The following GJC2 variants were observed in gnomAD, a reference collection of about 807,000 sequenced individuals.
GJC2 encodes the protein gap junction protein gamma 2.
For missense variants in GJC2, 647 were observed against 648.9 expected (o/e 1.00, Z 0.03); for synonymous variants, 336 against 307.5 (o/e 1.09, Z -0.97).
intron 1 of GJC2, among the ~76,000 whole-genome samples, chr1:228,153,841 A>G (rs1436340278): frequency 6.6e-6 from 1 of 151,990 alleles, no homozygotes; most frequent in Non-Finnish European, 1.5e-5. Context: ...TCAGCCTCAC[A>G]AAGTGCTGGG....
Position 228,157,939 on chromosome 1 carries a change from C to T in GJC2, c.181C>T (p.Pro61Ser). The change falls in exon 2 of 2, where the codon CCA (proline) becomes TCA (serine). Residue 61 changes from proline (P) to serine (S), a missense_variant. By Grantham distance (74) the Pro-to-Ser change is moderately conservative. Coordinates refer to ENST00000366714, the MANE Select transcript of GJC2 (RefSeq NM_020435.4). The part of the protein sequence containing the change: ...QAKFTCNTRQ[P>S]GCDNVCYDAF... Reference sequence around the variant, plus strand: ...CAAGTTCACTTGCAACACGCGGCAGCCAGGCTGCGACAACGTCTGCTATGA... The same window carrying T: ...CAAGTTCACTTGCAACACGCGGCAGTCAGGCTGCGACAACGTCTGCTATGA... 1.2e-6 allele frequency: 2 copies of T among 1,612,742 alleles called. No homozygotes were observed. Among genetic ancestry groups the T allele is most frequent in the Non-Finnish European group, 1.7e-6 (2 of 1,179,858 alleles).
In GJC2 at chr1:228,151,270, CAT is replaced by C. The variant is rs1390616163; in HGVS notation, c.-20+1265_-20+1266del. Among the ~76,000 whole-genome samples the C allele has an allele frequency of 2.0e-5, 3 of 152,146 alleles. No homozygotes were observed. Among genetic ancestry groups the C allele is most frequent in the African/African-American group, 7.2e-5 (3 of 41,442 alleles). ...GCAAGGCCTGGGGATCCCACAGACT[CAT>C]ACCTCCACACCACGCTCCTCAGTGT... On this transcript the variant is annotated intron_variant, in intron 1 of 1. Coordinates refer to ENST00000366714, the MANE Select transcript of GJC2 (RefSeq NM_020435.4). The surrounding 1 kb of genome is among the most constrained non-coding windows in gnomAD (Gnocchi z 5.4).
chr1:228,158,510 C>T lies in GJC2; in HGVS notation c.752C>T (p.Pro251Leu), dbSNP rs2034720620. Residue 251 changes from proline (P) to leucine (L), a missense_variant, in exon 2 of 2, where the codon CCG becomes CTG. By Grantham distance (98) the Pro-to-Leu change is moderately conservative (BLOSUM62 -3). Coordinates refer to ENST00000366714, the MANE Select transcript of GJC2 (RefSeq NM_020435.4). The surrounding 1 kb of genome is among the most constrained non-coding windows in gnomAD (Gnocchi z 8.3). The stretch of plus-strand genomic sequence containing the variant: ...TTTCCCTGCAGCCGCCAGCCCTGCC[C>T]GCACGTGGTGGACTGCTTCGTGTCG... ...PFFPCSRQPCPHVVDCFVSRP... is the reference protein window; with the variant it reads ...PFFPCSRQPCLHVVDCFVSRP... The T allele has an allele frequency of 6.2e-7, 1 of 1,612,924 alleles. No individual in the cohort carries two copies. Among genetic ancestry groups the T allele is most frequent in the East Asian group, 2.2e-5 (1 of 44,846 alleles).
chr1:228,158,817 G>A lies in GJC2; in HGVS notation c.1059G>A (p.Leu353=). Residue 353 remains leucine, a synonymous_variant, in exon 2 of 2, where the codon CTG becomes CTA. Transcript: ENST00000366714. This position sits in a 1 kb window ranked among gnomAD's most constrained non-coding sequence, Gnocchi z 8.3. ...ARAHDQNLAN[L]ALQALRDGAA... ...CGCATGACCAGAACCTGGCAAACCT[G>A]GCCCTGCAGGCGCTGCGCGACGGGG... 1 of 1,454,186 alleles carries A rather than the reference G, an allele frequency of 6.9e-7. No individual in the cohort carries two copies. The highest frequency in any genetic ancestry group is 9.0e-7 in the Non-Finnish European group (1 of 1,106,806). 90.1% of individuals were successfully genotyped at this position (1,454,186 alleles called of 1,614,324 possible). A position where few individuals can be genotyped will look rare whatever the true frequency, so the allele number is the denominator to read the frequency against.
rs2034712678 is a variant in GJC2 at position 228,158,187 on chromosome 1, G to A, written c.429G>A (p.Glu143=). 2.1e-6 allele frequency: 3 copies of A among 1,453,694 alleles called. No individual in the cohort carries two copies. Among genetic ancestry groups the A allele is most frequent in the Non-Finnish European group, 2.7e-6 (3 of 1,106,300 alleles). 90.0% of individuals were successfully genotyped at this position (1,453,694 alleles called of 1,614,324 possible). ...AGWPEPADLG[E]EEPMLGLGEE... is the part of the protein sequence containing the mutation. ...GGCCTGAGCCCGCCGACCTGGGCGA[G>A]GAGGAGCCCATGCTGGGCCTGGGCG... Residue 143 remains glutamate, a synonymous_variant, in exon 2 of 2, where the codon GAG becomes GAA. Transcript: ENST00000366714. The surrounding 1 kb of genome is among the most constrained non-coding windows in gnomAD (Gnocchi z 8.3).
rs1220957643 is a variant in GJC2, at chr1:228,150,825, G to A, written c.-20+818G>A. 6.6e-6 allele frequency among the ~76,000 whole-genome samples: 1 copy of A among 152,102 alleles called. No homozygotes were observed. Among genetic ancestry groups the A allele is most frequent in the East Asian group, 1.9e-4 (1 of 5,178 alleles). ...TCAGGAGGGAAGAGACGGGTTCGTG[G>A]ATCCTGCGGGTGGAGGGCAGGGACA... On this transcript the variant is annotated intron_variant, in intron 1 of 1. Transcript: ENST00000366714. The surrounding 1 kb of genome is among the most constrained non-coding windows in gnomAD (Gnocchi z 4.6).
rs2034724476 is a variant in GJC2 at position 228,158,692 on chromosome 1, G to C, written c.934G>C (p.Ala312Pro). 7 of 1,062,098 alleles carry C rather than the reference G, an allele frequency of 6.6e-6. No homozygotes were observed. Among genetic ancestry groups the C allele is most frequent in the Non-Finnish European group, 8.0e-6 (7 of 878,738 alleles). 65.8% of individuals were successfully genotyped at this position (1,062,098 alleles called of 1,614,324 possible). Residue 312 changes from alanine (A) to proline (P), a missense_variant, in exon 2 of 2, where the codon GCG becomes CCG. By Grantham distance (27) the Ala-to-Pro change is conservative (BLOSUM62 -1). Coordinates refer to ENST00000366714, the MANE Select transcript of GJC2 (RefSeq NM_020435.4). The surrounding 1 kb of genome is among the most constrained non-coding windows in gnomAD (Gnocchi z 8.3). The part of the protein sequence containing the change: ...RGPPASAPAP[A>P]PRPPPCAFPA... The stretch of plus-strand genomic sequence containing the variant: ...CCCCCCGGCCTCCGCCCCCGCCCCC[G>C]CGCCGCGGCCCCCGCCCTGCGCCTT...
rs200334298 is a variant in GJC2, at chr1:228,158,992, C to T, written c.1234C>T (p.His412Tyr). Residue 412 changes from histidine to tyrosine, a missense_variant, in exon 2 of 2, where the codon CAC (histidine) becomes TAC (tyrosine). Physicochemically the swap from His to Tyr is moderately conservative, Grantham distance 83. Coordinates refer to ENST00000366714, the MANE Select transcript of GJC2 (RefSeq NM_020435.4). The surrounding 1 kb of genome is among the most constrained non-coding windows in gnomAD (Gnocchi z 8.3). The stretch of plus-strand genomic sequence containing the variant: ...CGGGGAGCAGGGCCGGCCCGGCACC[C>T]ACGAGCGGCCAGGAGCCAAGCCCAG... ...TVGEQGRPGTHERPGAKPRAG... is the reference protein window; with the variant it reads ...TVGEQGRPGTYERPGAKPRAG... 1,533 of 1,603,620 alleles carry T rather than the reference C, an allele frequency of 9.6e-4. 3 individuals carry two copies. The highest frequency in any genetic ancestry group is 1.2e-3 in the Non-Finnish European group (1,381 of 1,177,032).
intron 1 of GJC2, among the ~76,000 whole-genome samples, chr1:228,157,327 G>C (rs574572877): frequency 6.6e-6 from 1 of 152,202 alleles, no homozygotes; most frequent in Non-Finnish European, 1.5e-5. Context: ...GGGCTTGGGG[G>C]CTAGGGAGCT....
chr1:228,152,028 T>C lies in GJC2; in HGVS notation c.-20+2021T>C, dbSNP rs1353350969. Among the ~76,000 whole-genome samples, 1 of 151,996 alleles carries C rather than the reference T, an allele frequency of 6.6e-6. No homozygotes were observed. Among genetic ancestry groups the C allele is most frequent in the African/African-American group, 2.4e-5 (1 of 41,370 alleles). ...AGGATGGGTGAGTGCTGTAGCCCCC[T>C]CTGAGTGAGGACTGTCCCCACACAG... On this transcript the variant is annotated intron_variant, in intron 1 of 1. Transcript: ENST00000366714. This position sits in a 1 kb window ranked among gnomAD's most constrained non-coding sequence, Gnocchi z 7.3.
chr1:228,156,976 AC>A (rs1215988792), intron 1 of GJC2, among the ~76,000 whole-genome samples: 2 of 152,038 alleles, frequency 1.3e-5, no homozygotes, highest in Admixed American at 6.6e-5. Flanking sequence ...CTTCATCCTG[AC>A]CCCAGCTAGA....
chr1:228,158,287 G>C lies in GJC2; in HGVS notation c.529G>C (p.Ala177Pro), dbSNP rs1327712975. Reference protein sequence around the residue: ...EEAEEAGAEEACTKAVGADGK... With the variant: ...EEAEEAGAEEPCTKAVGADGK... ...AGCGGAGGAGGCAGGCGCGGAGGAG[G>C]CGTGCACTAAGGCGGTCGGCGCTGA... is the stretch of plus-strand genomic sequence containing the variant. The change falls in exon 2 of 2, where the codon GCG becomes CCG. Residue 177 changes from alanine to proline, a missense_variant. Ala to Pro is a conservative substitution (Grantham distance 27). Transcript: ENST00000366714. This position sits in a 1 kb window ranked among gnomAD's most constrained non-coding sequence, Gnocchi z 8.3. 11 of 1,534,382 alleles carry C rather than the reference G, an allele frequency of 7.2e-6. No individual in the cohort carries two copies. The highest frequency in any genetic ancestry group is 9.6e-6 in the Non-Finnish European group (11 of 1,142,608).
Position 228,158,584 on chromosome 1 carries a change from T to G in GJC2, c.826T>G (p.Cys276Gly). Residue 276 changes from cysteine (C) to glycine (G), a missense_variant, in exon 2 of 2, where the codon TGC (cysteine) becomes GGC (glycine). Coordinates refer to ENST00000366714, the MANE Select transcript of GJC2 (RefSeq NM_020435.4). This position sits in a 1 kb window ranked among gnomAD's most constrained non-coding sequence, Gnocchi z 8.3. Reference sequence around the variant, plus strand: ...CCTGCTGGTTATGTACGTGGTCAGCTGCCTGTGCCTGCTGCTCAACCTCTG... The same window carrying G: ...CCTGCTGGTTATGTACGTGGTCAGCGGCCTGTGCCTGCTGCTCAACCTCTG... ...VFLLVMYVVS[C>G]LCLLLNLCEM... 6.2e-7 allele frequency: 1 copy of G among 1,612,070 alleles called. No individual in the cohort carries two copies.
At position 228,150,304 on chromosome 1, in the gene GJC2, G is replaced by A. The variant is rs1269033149; in HGVS notation, c.-20+297G>A. ...TCTGGGACAGCTGGCAAGCGGGAGG[G>A]GGGTGCCTTCAGTACCTCCCCCAGC... On this transcript the variant is annotated intron_variant, in intron 1 of 1. Coordinates refer to ENST00000366714, the MANE Select transcript of GJC2 (RefSeq NM_020435.4). This position sits in a 1 kb window ranked among gnomAD's most constrained non-coding sequence, Gnocchi z 4.6. 6.6e-6 allele frequency among the ~76,000 whole-genome samples: 1 copy of A among 152,144 alleles called. No homozygotes were observed. Among genetic ancestry groups the A allele is most frequent in the African/African-American group, 2.4e-5 (1 of 41,434 alleles).
intron 1 of GJC2, among the ~76,000 whole-genome samples, chr1:228,155,494 C>T (rs1243319376): frequency 6.6e-6 from 1 of 152,176 alleles, no homozygotes; most frequent in Non-Finnish European, 1.5e-5. Context: ...AGCTGCTCTG[C>T]AGAGCAGAGT....
rs1027276536 is a variant in GJC2, at chr1:228,152,010, G to A, written c.-20+2003G>A. The stretch of plus-strand genomic sequence containing the variant: ...AGGAGAAATTGAGGCCTGAGGATGG[G>A]TGAGTGCTGTAGCCCCCTCTGAGTG... On this transcript the variant is annotated intron_variant, in intron 1 of 1. Transcript: ENST00000366714. The surrounding 1 kb of genome is among the most constrained non-coding windows in gnomAD (Gnocchi z 7.3). Among the ~76,000 whole-genome samples the A allele has an allele frequency of 6.6e-6, 1 of 152,138 alleles. No individual in the cohort carries two copies. Among genetic ancestry groups the A allele is most frequent in the Admixed American group, 6.5e-5 (1 of 15,280 alleles).
rs771368251 is a variant in GJC2, at chr1:228,150,297, C to T, written c.-20+290C>T. Among the ~76,000 whole-genome samples the T allele has an allele frequency of 5.3e-5, 8 of 152,096 alleles. No individual in the cohort carries two copies. The highest frequency in any genetic ancestry group is 2.0e-4 in the Admixed American group (3 of 15,278). ...GGTCTGCTCTGGGACAGCTGGCAAG[C>T]GGGAGGGGGGTGCCTTCAGTACCTC... is the stretch of plus-strand genomic sequence containing the variant. On this transcript the variant is annotated intron_variant, in intron 1 of 1. Coordinates refer to ENST00000366714, the MANE Select transcript of GJC2 (RefSeq NM_020435.4). The surrounding 1 kb of genome is among the most constrained non-coding windows in gnomAD (Gnocchi z 4.6).
In GJC2 at chr1:228,159,330, C is replaced by T; in HGVS notation, c.*252C>T. ...AGGGCCCTCTGCTGTGGTCTGAACC[C>T]CAGGGGGAGTGGGGCATTGACTCCA... is the stretch of plus-strand genomic sequence containing the variant. On this transcript the variant is annotated 3_prime_UTR_variant, in exon 2 of 2. Coordinates refer to ENST00000366714, the MANE Select transcript of GJC2 (RefSeq NM_020435.4). The surrounding 1 kb of genome is among the most constrained non-coding windows in gnomAD (Gnocchi z 4.0). 1.8e-6 allele frequency: 1 copy of T among 547,240 alleles called. No individual in the cohort carries two copies. The highest frequency in any genetic ancestry group is 3.3e-6 in the Non-Finnish European group (1 of 299,480). The allele number at this position is 547,240 out of a possible 1,614,324, so 33.9% of individuals were successfully genotyped here.
rs1327047777 is a variant in GJC2, at chr1:228,152,479, G to A, written c.-20+2472G>A. On this transcript the variant is annotated intron_variant, in intron 1 of 1. Coordinates refer to ENST00000366714, the MANE Select transcript of GJC2 (RefSeq NM_020435.4). The surrounding 1 kb of genome is among the most constrained non-coding windows in gnomAD (Gnocchi z 7.3). The stretch of plus-strand genomic sequence containing the variant: ...GTGTCCTGAGATACCAGGACACCAG[G>A]ACACTGGTCAGAGCTGGCCCAGCCA... Among the ~76,000 whole-genome samples the A allele has an allele frequency of 6.6e-6, 1 of 152,120 alleles. No homozygotes were observed. Among genetic ancestry groups the A allele is most frequent in the Non-Finnish European group, 1.5e-5 (1 of 67,988 alleles).
Sources: gnomAD v4.1 joint callset for allele counts (sites outside exome capture counted in the v4.1 genomes callset) on GRCh38, gnomAD v4.1.1 for gene constraint, Gnocchi (gnomAD v3.1) non-coding constraint, MANE v1.5 for transcripts, NCBI Gene and HGNC (gene_info 2026-07-23, HGNC 2026-07-21) for gene names.